NELL1: variants seen among roughly 807,000 people sequenced by gnomAD.
The protein encoded by NELL1 is protein kinase C-binding protein NELL1.
NELL1 carries 76 observed loss-of-function variants against 107.4 expected under a neutral mutation model. The observed-to-expected ratio is 0.71, with a 90% confidence interval of 0.59 to 0.86. The LOEUF (loss-of-function observed/expected upper bound fraction) is 0.86. Among genes scored for constraint, NELL1 ranks in the 40% least tolerant of loss-of-function variants. The probability of loss-of-function intolerance (pLI) is 0.00; values close to 1 mark genes in which losing one functional copy is unlikely to be tolerated. For missense variants in NELL1, 1,024 were observed against 1,005.5 expected (o/e 1.02, Z -0.25); for synonymous variants, 353 against 341.2 (o/e 1.03, Z -0.38).
intron 14 of NELL1, among the ~76,000 whole-genome samples, chr11:21,353,663 C>T (rs759311978): frequency 3.9e-5 from 6 of 152,084 alleles, no homozygotes; most frequent in Non-Finnish European, 7.4e-5. Context: ...CAGACACGCT[C>T]GCTTAAGAGG....
At chr11:21,250,351 C>T (rs1858606390) in intron 14 of NELL1, among the ~76,000 whole-genome samples, 1 of 152,186 alleles carries the variant, frequency 6.6e-6, no homozygotes, top group Non-Finnish European at 1.5e-5. Context: ...CTCCTCTCCA[C>T]TCCACTCGGG....
chr11:21,110,560 G>A (rs1855082770), intron 12 of NELL1, among the ~76,000 whole-genome samples: 1 of 152,126 alleles, frequency 6.6e-6, no homozygotes, highest in Non-Finnish European at 1.5e-5. Flanking sequence ...AGAAAAATGA[G>A]CCAGGAGGTT....
At chr11:20,874,131 G>T (rs932847433) in intron 4 of NELL1, among the ~76,000 whole-genome samples, 2 of 152,072 alleles carry the variant, frequency 1.3e-5, no homozygotes, top group Non-Finnish European at 2.9e-5. Context: ...GCAATGGCAC[G>T]ATCACGGCTC....
chr11:21,565,996 CAAGGTTTTTTT>C (rs1856964528), intron 17 of NELL1, among the ~76,000 whole-genome samples: 3 of 151,882 alleles, frequency 2.0e-5, no homozygotes, highest in African/African-American at 7.3e-5. Context: ...CAGGCATCAG[CAAGGTTTTTTT>C]CTTTAAAGAG....
intron 12 of NELL1, among the ~76,000 whole-genome samples, chr11:20,990,768 T>C (rs1378477413): frequency 6.6e-6 from 1 of 152,218 alleles, no homozygotes; most frequent in Admixed American, 6.5e-5. Flanking sequence ...CACTTGGAGA[T>C]GGTGTCTGGC....
Position 20,669,746 on chromosome 11 carries a change from T to C in NELL1, c.23T>C (p.Val8Ala). The change falls in exon 1 of 20, where the codon GTT becomes GCT. Residue 8 changes from valine to alanine, a missense_variant. Coordinates refer to ENST00000357134, the MANE Select transcript of NELL1 (RefSeq NM_006157.5). The surrounding 1 kb of genome is among the most constrained non-coding windows in gnomAD (Gnocchi z 4.4). MPMDLIL[V>A]VWFCVCTART... ...GCGATGCCGATGGATTTGATTTTAG[T>C]TGTGTGGTTCTGTGTGTGCACTGCC... 3.7e-6 allele frequency: 6 copies of C among 1,613,096 alleles called. No individual in the cohort carries two copies. The highest frequency in any genetic ancestry group is 5.1e-6 in the Non-Finnish European group (6 of 1,179,516).
intron 13 of NELL1, among the ~76,000 whole-genome samples, chr11:21,145,139 T>C (rs1265535142): frequency 6.6e-6 from 1 of 152,212 alleles, no homozygotes. Flanking sequence ...TTATTACTAC[T>C]ATTATCATTT....
chr11:21,408,056 C>G (rs1173543538), intron 15 of NELL1, among the ~76,000 whole-genome samples: 1 of 151,850 alleles, frequency 6.6e-6, no homozygotes. Context: ...AGAGGGGTGG[C>G]AAGTGCTTGG....
chr11:21,539,008 C>T (rs139186928), intron 16 of NELL1, among the ~76,000 whole-genome samples: 8 of 152,200 alleles, frequency 5.3e-5, no homozygotes, highest in Admixed American at 3.9e-4. Flanking sequence ...TGACTATCCC[C>T]ATAGCCCCAT....
rs558021805 is a variant in NELL1 at position 20,724,033 on chromosome 11, C to T, written c.184+45973C>T. 1.5e-4 allele frequency among the ~76,000 whole-genome samples: 3 copies of T among 19,676 alleles called. No homozygotes were observed. The South Asian group carries it at 0.026, about 173-fold the overall frequency. 12.9% of individuals were successfully genotyped at this position (19,676 alleles called of 152,430 possible). On this transcript the variant is annotated intron_variant, in intron 2 of 19. Coordinates refer to ENST00000357134, the MANE Select transcript of NELL1 (RefSeq NM_006157.5). The stretch of plus-strand genomic sequence containing the variant: ...CAGCTGGAAGGCAGGGTGCCATGTC[C>T]TGAGGCTGCACCGAGAAGCTGGAAG...
At chr11:21,495,842 A>C (rs1480387291) in intron 15 of NELL1, among the ~76,000 whole-genome samples, 1 of 152,140 alleles carries the variant, frequency 6.6e-6, no homozygotes, top group Admixed American at 6.6e-5. Context: ...TCTGCACATT[A>C]AAAACGGGTT....
At chr11:21,331,189 T>C (rs754556749) in intron 14 of NELL1, among the ~76,000 whole-genome samples, 2 of 152,104 alleles carry the variant, frequency 1.3e-5, no homozygotes, top group Non-Finnish European at 2.9e-5. Flanking sequence ...GTCTTTGTCA[T>C]GTTCATATCT....
intron 12 of NELL1, among the ~76,000 whole-genome samples, chr11:21,033,944 G>A (rs1203721855): frequency 1.3e-5 from 2 of 152,106 alleles, no homozygotes; most frequent in Admixed American, 6.6e-5. Context: ...TGACTGACAT[G>A]AGATGGTATC....
chr11:20,960,352 A>G (rs763723488), intron 11 of NELL1, 80 bp from the exon 12 acceptor site: 16 of 1,423,042 alleles, frequency 1.1e-5, no homozygotes, highest in Non-Finnish European at 1.6e-5. Flanking sequence ...GACATATAAT[A>G]AAAAATGTTA....
chr11:21,107,779 C>A (rs1013520062), intron 12 of NELL1, among the ~76,000 whole-genome samples: 2 of 152,132 alleles, frequency 1.3e-5, no homozygotes, highest in Non-Finnish European at 2.9e-5. Context: ...TGATGGTTGG[C>A]TAAAGGGTTT....
At chr11:21,023,598 C>A (rs866454606) in intron 12 of NELL1, among the ~76,000 whole-genome samples, 2 of 151,910 alleles carry the variant, frequency 1.3e-5, no homozygotes, top group African/African-American at 2.4e-5. Context: ...TATGAAACTG[C>A]AAATTTAATA....
intron 12 of NELL1, among the ~76,000 whole-genome samples, chr11:20,970,126 ACATGTATATTGAGC>A (rs1468067577): frequency 1.5e-5 from 2 of 131,608 alleles, no homozygotes; most frequent in Non-Finnish European, 1.6e-5. Context: ...ATATCTACCA[ACATGTATATTGAGC>A]CATAGTTTGT....
chr11:20,705,951 G>C (rs570613169), intron 2 of NELL1, among the ~76,000 whole-genome samples: 2 of 152,142 alleles, frequency 1.3e-5, no homozygotes, highest in African/African-American at 2.4e-5. Flanking sequence ...AAATGCAAAT[G>C]AAAACCACAA....
At chr11:20,825,725 A>T (rs894824463) in intron 3 of NELL1, among the ~76,000 whole-genome samples, 1 of 151,312 alleles carries the variant, frequency 6.6e-6, no homozygotes, top group Non-Finnish European at 1.5e-5. Context: ...ATTATCTCAG[A>T]TAAGAATATG....
Sources: gnomAD v4.1 joint callset for allele counts (sites outside exome capture counted in the v4.1 genomes callset) on GRCh38, gnomAD v4.1.1 for gene constraint, Gnocchi (gnomAD v3.1) non-coding constraint, MANE v1.5 for transcripts, NCBI Gene and HGNC (gene_info 2026-07-23, HGNC 2026-07-21) for gene names.